Variants in AKAP19 observed in about 807,000 individuals in gnomAD.
AKAP19 encodes small A-kinase anchoring protein.
chr2:190,160,120 C>G, the AKAP19 span, among the ~76,000 whole-genome samples: 1 of 152,148 alleles, frequency 6.6e-6, no homozygotes, highest in Non-Finnish European at 1.5e-5. Flanking sequence ...TTTCATGGAT[C>G]TAGTTTTGAT....
the AKAP19 span, among the ~76,000 whole-genome samples, chr2:189,900,975 G>A: frequency 6.6e-6 from 1 of 152,130 alleles, no homozygotes; most frequent in Non-Finnish European, 1.5e-5. Context: ...CAATGGTCTG[G>A]TGATAAGTCA....
chr2:190,087,578 G>A, the AKAP19 span, among the ~76,000 whole-genome samples: 5 of 152,130 alleles, frequency 3.3e-5, no homozygotes, highest in African/African-American at 1.2e-4. Context: ...TCTTCCTCAG[G>A]CCTCCCTTTA....
At chr2:190,141,951 G>A in the AKAP19 span, among the ~76,000 whole-genome samples, 24 of 152,268 alleles carry the variant, frequency 1.6e-4, no homozygotes, top group East Asian at 5.8e-4. Context: ...GGTGATTGGC[G>A]GAAGGAAAGG....
At chr2:190,193,270 A>G in the AKAP19 span, among the ~76,000 whole-genome samples, 10 of 152,076 alleles carry the variant, frequency 6.6e-5, no homozygotes, top group Non-Finnish European at 1.5e-4. Context: ...TCTTTGGAAT[A>G]TCCTTGAATT....
the AKAP19 span, among the ~76,000 whole-genome samples, chr2:190,191,999 G>T: frequency 1.3e-5 from 2 of 148,498 alleles, no homozygotes; most frequent in Non-Finnish European, 3.0e-5. Context: ...TTTCTTTCAT[G>T]GTTCATGCTT....
chr2:189,965,345 A>C, the AKAP19 span, among the ~76,000 whole-genome samples: 2 of 152,208 alleles, frequency 1.3e-5, no homozygotes, highest in Non-Finnish European at 2.9e-5. Context: ...AAAGATTGAA[A>C]TACTTAGAGA....
At chr2:190,171,067 AG>A in the AKAP19 span, among the ~76,000 whole-genome samples, 21 of 152,194 alleles carry the variant, frequency 1.4e-4, no homozygotes, top group Middle Eastern at 3.2e-3. Context: ...ATGGTAATTT[AG>A]TTCAAAACCA....
chr2:189,945,667 G>A, the AKAP19 span, among the ~76,000 whole-genome samples: 2 of 152,180 alleles, frequency 1.3e-5, no homozygotes, highest in African/African-American at 4.8e-5. Flanking sequence ...AAGAAAATAT[G>A]TGAAATTACA....
the AKAP19 span, among the ~76,000 whole-genome samples, chr2:190,006,375 C>T: frequency 5.9e-5 from 9 of 152,214 alleles, no homozygotes; most frequent in Admixed American, 3.9e-4. Flanking sequence ...TGGTTGGGCG[C>T]GGTGGCTCAC....
the AKAP19 span, among the ~76,000 whole-genome samples, chr2:189,949,621 CTTTTTCTTTCTTTTTTTTTTTTTTTT>C: frequency 6.9e-6 from 1 of 145,390 alleles, no homozygotes; most frequent in Non-Finnish European, 1.5e-5. Flanking sequence ...TTGTTACCTA[CTTTTTCTTTCTTTTTTTTTTTTTTTT>C]TTTTTAGAGA....
the AKAP19 span, among the ~76,000 whole-genome samples, chr2:190,045,213 C>A: frequency 6.6e-6 from 1 of 152,176 alleles, no homozygotes; most frequent in African/African-American, 2.4e-5. Context: ...GATCTGGACC[C>A]GCTTAAAGAA....
chr2:190,133,235 C>CAAAAAAAA, the AKAP19 span, among the ~76,000 whole-genome samples: 4 of 58,106 alleles, frequency 6.9e-5, no homozygotes, highest in Non-Finnish European at 5.8e-5. Context: ...GAGACTCTGC[C>CAAAAAAAA]AAAAAAAAAA....
chr2:189,890,632 GTTC>G, the AKAP19 span, among the ~76,000 whole-genome samples: 1 of 152,144 alleles, frequency 6.6e-6, no homozygotes, highest in African/African-American at 2.4e-5. Flanking sequence ...ATTTAGGATA[GTTC>G]TTCTTGTTGC....
At chr2:189,917,237 A>C in the AKAP19 span, 1 of 1,154,518 alleles carries the variant, frequency 8.7e-7, no homozygotes, top group Non-Finnish European at 1.2e-6. Context: ...TCCTTTCATC[A>C]AGCTTTTACA....
chr2:190,167,632 G>C, the AKAP19 span, among the ~76,000 whole-genome samples: 6 of 152,316 alleles, frequency 3.9e-5, no homozygotes, highest in South Asian at 1.2e-3. Flanking sequence ...GGTAAATACA[G>C]CTGTTCCAAA....
chr2:190,108,272 C>A, the AKAP19 span, among the ~76,000 whole-genome samples: 1 of 152,176 alleles, frequency 6.6e-6, no homozygotes, highest in African/African-American at 2.4e-5. Flanking sequence ...TTTCCTGCCT[C>A]AGCCTCTTGA....
the AKAP19 span, among the ~76,000 whole-genome samples, chr2:189,959,980 T>C: frequency 6.6e-6 from 1 of 152,166 alleles, no homozygotes; most frequent in South Asian, 2.1e-4. Flanking sequence ...ATTCTTTGTA[T>C]AGGGAAACAC....
At chr2:189,916,395 C>A in the AKAP19 span, among the ~76,000 whole-genome samples, 4 of 147,732 alleles carry the variant, frequency 2.7e-5, no homozygotes, top group African/African-American at 1.0e-4. Context: ...GATCTCAGCT[C>A]ACTGCAACCT....
chr2:189,950,803 C>T, the AKAP19 span, among the ~76,000 whole-genome samples: 1 of 152,152 alleles, frequency 6.6e-6, no homozygotes, highest in African/African-American at 2.4e-5. Context: ...TCTTGTCCTG[C>T]CATTGAGAAA....
Sources: allele counts gnomAD v4.1 joint callset (sites outside exome capture counted in the v4.1 genomes callset), GRCh38; gene constraint gnomAD v4.1.1; transcripts MANE v1.5; gene names NCBI Gene and HGNC (gene_info 2026-07-23, HGNC 2026-07-21).